The following DAB1 variants were observed in gnomAD, a reference collection of about 807,000 sequenced individuals.
DAB1 encodes disabled homolog 1.
In DAB1, 15 loss-of-function variants were observed where a neutral mutation model predicts 64.6. The observed-to-expected ratio is 0.23, with a 90% CI of 0.16 to 0.36. The LOEUF (loss-of-function observed/expected upper bound fraction) is 0.36. DAB1 is among the 10% of genes least tolerant of loss of function. The probability of loss-of-function intolerance (pLI) is 1.00; values close to 1 mark genes in which losing one functional copy is unlikely to be tolerated. For missense variants in DAB1, 596 were observed against 706.7 expected, an observed-to-expected ratio of 0.84 and a Z score of 1.78; for synonymous variants, 235 against 251.9, an observed-to-expected ratio of 0.93 and a Z score of 0.64.
chr1:58,528,923 A>C (rs1646391600), intron 1 of DAB1, among the ~76,000 whole-genome samples: 1 of 152,228 alleles, frequency 6.6e-6, no homozygotes, highest in Non-Finnish European at 1.5e-5. Flanking sequence ...GAAGTGGCAG[A>C]ATTTATCAAG....
chr1:57,878,301 G>A (rs931108294), intron 1 of DAB1: 4 of 152,080 alleles, frequency 2.6e-5, no homozygotes, highest in African/African-American at 7.2e-5. Flanking sequence ...TTTTAGGATC[G>A]AATACCATAA....
At position 57,290,913 on chromosome 1, in the gene DAB1, C is replaced by A. The variant is rs1054071627; in HGVS notation, c.67+51G>T. On this transcript the variant is annotated intron_variant, in intron 2 of 14. Transcript: ENST00000371236. The stretch of plus-strand genomic sequence containing the variant: ...ATATCATTCCAGAGATCTAAAAACT[C>A]ATTCCTGTGCAGAAAAGTAGCCATT... 2.6e-6 allele frequency: 3 copies of A among 1,165,940 alleles called. No homozygotes were observed. In the African/African-American group the frequency reaches 4.6e-5, roughly 18 times the overall value. 72.2% of individuals were successfully genotyped at this position (1,165,940 alleles called of 1,614,324 possible). A position where few individuals can be genotyped will look rare whatever the true frequency, so the allele number is the denominator to read the frequency against.
intron 5 of DAB1, among the ~76,000 whole-genome samples, chr1:57,958,139 CA>C (rs1216209918): frequency 6.6e-6 from 1 of 152,168 alleles, no homozygotes; most frequent in East Asian, 1.9e-4. Flanking sequence ...TGTCTGCCAC[CA>C]CGCTCTGCTA....
intron 7 of DAB1, among the ~76,000 whole-genome samples, chr1:57,516,887 C>A (rs1225369648): frequency 6.6e-6 from 1 of 152,140 alleles, no homozygotes; most frequent in African/African-American, 2.4e-5. Flanking sequence ...TCCGTCTGCT[C>A]AAGAATGATT....
intron 6 of DAB1, among the ~76,000 whole-genome samples, chr1:57,666,785 T>G (rs979978883): frequency 1.3e-5 from 2 of 151,768 alleles, no homozygotes; most frequent in Non-Finnish European, 2.9e-5. Context: ...AGCAGTTTCC[T>G]GCAACTTATC....
At position 57,058,152 on chromosome 1, in the gene DAB1, G is replaced by A. The variant is rs551205983; in HGVS notation, c.723+4732C>T. Among the ~76,000 whole-genome samples the A allele has an allele frequency of 3.9e-5, 6 of 152,244 alleles. No individual in the cohort carries two copies. The East Asian group carries it at 1.2e-3, about 29-fold the overall frequency. ...GAGGGGAGTGAATGCAGGTGCGTGA[G>A]TGTGTGGGTTTGTGTTTAGAAGGCC... On this transcript the variant is annotated intron_variant, in intron 9 of 14. Coordinates refer to ENST00000371236, the MANE Select transcript of DAB1 (RefSeq NM_001365792.1).
At chr1:58,096,787 T>C (rs1309499285) in intron 5 of DAB1, among the ~76,000 whole-genome samples, 1 of 152,246 alleles carries the variant, frequency 6.6e-6, no homozygotes, top group Non-Finnish European at 1.5e-5. Context: ...CCATGGACCA[T>C]ACATGGAGGG....
intron 6 of DAB1, among the ~76,000 whole-genome samples, chr1:57,736,122 C>T (rs1003072916): frequency 1.3e-5 from 2 of 152,186 alleles, no homozygotes; most frequent in African/African-American, 2.4e-5. Flanking sequence ...CGGCTATATA[C>T]TGTCTTGTAA....
intron 1 of DAB1, among the ~76,000 whole-genome samples, chr1:57,380,167 T>A (rs1233873510): frequency 6.6e-6 from 1 of 152,146 alleles, no homozygotes; most frequent in Non-Finnish European, 1.5e-5. Flanking sequence ...CTGAAGTAGG[T>A]CATATTATTT....
chr1:58,277,550 A>G (rs1292873520), intron 4 of DAB1, among the ~76,000 whole-genome samples: 2 of 152,134 alleles, frequency 1.3e-5, no homozygotes, highest in Non-Finnish European at 2.9e-5. Flanking sequence ...TCATGCTCGG[A>G]TCCACTTGAA....
intron 6 of DAB1, among the ~76,000 whole-genome samples, chr1:57,658,493 C>T (rs924103232): frequency 2.6e-5 from 4 of 151,450 alleles, no homozygotes; most frequent in Non-Finnish European, 4.4e-5. Context: ...TTAGTAGAGA[C>T]GGGGTTTCAC....
At chr1:57,334,110 CGT>C (rs1558186077) in intron 1 of DAB1, among the ~76,000 whole-genome samples, 6 of 152,128 alleles carry the variant, frequency 3.9e-5, no homozygotes, top group African/African-American at 1.4e-4. Context: ...AGTCTCAATG[CGT>C]ATAAGTGGGG....
intron 7 of DAB1, among the ~76,000 whole-genome samples, chr1:57,499,731 C>T (rs886605706): frequency 6.6e-6 from 1 of 152,200 alleles, no homozygotes; most frequent in Non-Finnish European, 1.5e-5. Context: ...CAATGAATTT[C>T]TCCTTATGAT....
chr1:57,028,171 G>A (rs1243409671), intron 9 of DAB1, among the ~76,000 whole-genome samples: 2 of 152,178 alleles, frequency 1.3e-5, no homozygotes, highest in Admixed American at 1.3e-4. Flanking sequence ...GACACACGGG[G>A]AGGTAATTGA....
intron 4 of DAB1, among the ~76,000 whole-genome samples, chr1:58,195,208 G>A (rs1011376974): frequency 1.3e-5 from 2 of 152,288 alleles, no homozygotes; most frequent in Admixed American, 6.5e-5. Context: ...GCATATGGCA[G>A]GTGTTCCAAG....
chr1:57,186,950 A>G (rs1000408253), intron 2 of DAB1, among the ~76,000 whole-genome samples: 3 of 152,096 alleles, frequency 2.0e-5, no homozygotes, highest in South Asian at 2.1e-4. Flanking sequence ...TATTTTGTCA[A>G]TTTTTGTCAT....
At chr1:58,418,526 G>A (rs1340087575) in intron 3 of DAB1, among the ~76,000 whole-genome samples, 1 of 152,074 alleles carries the variant, frequency 6.6e-6, no homozygotes, top group Non-Finnish European at 1.5e-5. Flanking sequence ...CAAAGTGTAG[G>A]GAGACAGAGA....
intron 11 of DAB1, among the ~76,000 whole-genome samples, chr1:57,019,146 C>T (rs1646530949): frequency 6.6e-6 from 1 of 152,192 alleles, no homozygotes; most frequent in East Asian, 1.9e-4. Flanking sequence ...CTAGAAACCA[C>T]CTGCTGGCAG....
At chr1:57,833,750 T>C (rs1652691626) in intron 1 of DAB1, among the ~76,000 whole-genome samples, 1 of 152,192 alleles carries the variant, frequency 6.6e-6, no homozygotes, top group Admixed American at 6.5e-5. Flanking sequence ...CCTAACTGCA[T>C]GATACCCAAA....
Sources: gnomAD v4.1 joint callset for allele counts (sites outside exome capture counted in the v4.1 genomes callset) on GRCh38, gnomAD v4.1.1 for gene constraint, MANE v1.5 for transcripts, NCBI Gene and HGNC (gene_info 2026-07-23, HGNC 2026-07-21) for gene names.